TMEM132D: variants seen among roughly 807,000 people sequenced by gnomAD.
TMEM132D encodes mature OL transmembrane protein.
In TMEM132D, 21 loss-of-function variants were observed where a neutral mutation model predicts 62.3. The observed-to-expected ratio is 0.34, with a 90% confidence interval of 0.24 to 0.49. The LOEUF (loss-of-function observed/expected upper bound fraction) is 0.49. Among genes scored for constraint, TMEM132D ranks in the 20% least tolerant of loss-of-function variants. The pLI is 0.99. For synonymous variants in TMEM132D, 621 were observed against 575.6 expected, an observed-to-expected ratio of 1.08 and a Z score of -1.13; for missense variants, 1,346 against 1,402.8, an observed-to-expected ratio of 0.96 and a Z score of 0.65.
Position 129,315,399 on chromosome 12 carries a change from G to T in TMEM132D, c.1299+22235C>A, listed in dbSNP as rs1230425266. On this transcript the variant is annotated intron_variant, in intron 4 of 8. Coordinates refer to ENST00000422113, the MANE Select transcript of TMEM132D (RefSeq NM_133448.3). Reference sequence around the variant, plus strand: ...ATACTTTTTCTGCATCTATTGAGATGATTATGTGATTTTTGTTTTTAATTC... The same window carrying T: ...ATACTTTTTCTGCATCTATTGAGATTATTATGTGATTTTTGTTTTTAATTC... Among the ~76,000 whole-genome samples the T allele has an allele frequency of 5.3e-5, 8 of 151,958 alleles. No homozygotes were observed. The South Asian group carries it at 1.7e-3, about 31-fold the overall frequency.
intron 5 of TMEM132D, among the ~76,000 whole-genome samples, chr12:129,092,513 G>A (rs951227396): frequency 3.9e-5 from 6 of 152,068 alleles, no homozygotes; most frequent in African/African-American, 1.4e-4. Context: ...CGGCCAACAT[G>A]GTGAAACCTG....
At chr12:129,545,719 A>C (rs920762870) in intron 2 of TMEM132D, among the ~76,000 whole-genome samples, 2 of 152,224 alleles carry the variant, frequency 1.3e-5, no homozygotes, top group Non-Finnish European at 2.9e-5. Flanking sequence ...TTAGGTGTAG[A>C]GAGTAAGTGT....
chr12:129,860,936 G>C (rs771566385), intron 1 of TMEM132D, among the ~76,000 whole-genome samples: 1 of 152,170 alleles, frequency 6.6e-6, no homozygotes, highest in Non-Finnish European at 1.5e-5. Flanking sequence ...TAGACACCTA[G>C]TCCCGCCCAT....
chr12:129,828,569 G>A (rs1386625187), intron 1 of TMEM132D, among the ~76,000 whole-genome samples: 2 of 149,388 alleles, frequency 1.3e-5, no homozygotes, highest in East Asian at 4.0e-4. Flanking sequence ...ATTATTTGTG[G>A]GAGATATGGT....
chr12:129,284,960 G>A lies in TMEM132D; in HGVS notation c.1299+52674C>T, dbSNP rs184073770. ...CTAAGGGGTGCATGGCTGTACCGTG[G>A]AGTGATGGACACGCTTTGGAGAGAG... On this transcript the variant is annotated intron_variant, in intron 4 of 8. Coordinates refer to ENST00000422113, the MANE Select transcript of TMEM132D (RefSeq NM_133448.3). Among the ~76,000 whole-genome samples, 497 of 152,316 alleles carry A rather than the reference G, an allele frequency of 3.3e-3. 1 individual carries two copies. The highest frequency in any genetic ancestry group is 0.01 in the African/African-American group (431 of 41,584).
chr12:129,146,678 T>G (rs1444706637), intron 5 of TMEM132D, among the ~76,000 whole-genome samples: 1 of 152,190 alleles, frequency 6.6e-6, no homozygotes, highest in African/African-American at 2.4e-5. Flanking sequence ...TGCACACATT[T>G]CCTGCAATGC....
intron 2 of TMEM132D, among the ~76,000 whole-genome samples, chr12:129,578,424 G>GTGTGTGTGTGTGTGTA (rs773756392): frequency 6.6e-6 from 1 of 150,518 alleles, no homozygotes; most frequent in Admixed American, 6.7e-5. Flanking sequence ...GTGTGTGTGT[G>GTGTGTGTGTGTGTGTA]TATATATATA....
rs531223368 is a variant in TMEM132D at position 129,452,311 on chromosome 12, G to A, written c.1115+78748C>T. 3.9e-5 allele frequency among the ~76,000 whole-genome samples: 6 copies of A among 152,300 alleles called. No individual in the cohort carries two copies. In the South Asian group the frequency reaches 1.2e-3, roughly 32 times the overall value. On this transcript the variant is annotated intron_variant, in intron 3 of 8. Transcript: ENST00000422113. The stretch of plus-strand genomic sequence containing the variant: ...GTGAGGACCACTATGAACGTACTTG[G>A]GTTTGGCAAACATTTCAAACTTACT...
chr12:129,746,157 G>A (rs990449600), intron 1 of TMEM132D, among the ~76,000 whole-genome samples: 30 of 152,198 alleles, frequency 2.0e-4, no homozygotes, highest in African/African-American at 7.0e-4. Context: ...AGGTTTGAAC[G>A]ATGCAATGAG....
intron 5 of TMEM132D, among the ~76,000 whole-genome samples, chr12:129,160,230 G>C (rs947807018): frequency 6.6e-6 from 1 of 152,176 alleles, no homozygotes; most frequent in Non-Finnish European, 1.5e-5. Flanking sequence ...ATTTTTCACA[G>C]AATTCAATTC....
chr12:129,284,463 G>A (rs1881238291), intron 4 of TMEM132D, among the ~76,000 whole-genome samples: 1 of 152,204 alleles, frequency 6.6e-6, no homozygotes, highest in South Asian at 2.1e-4. Flanking sequence ...GTAGGTTGAG[G>A]ATTCTTTGAC....
At chr12:129,571,009 G>GA (rs1393828936) in intron 2 of TMEM132D, among the ~76,000 whole-genome samples, 3 of 152,198 alleles carry the variant, frequency 2.0e-5, no homozygotes, top group Non-Finnish European at 4.4e-5. Flanking sequence ...AAGGAAGGGG[G>GA]AGGGGCTGAT....
intron 1 of TMEM132D, among the ~76,000 whole-genome samples, chr12:129,861,027 A>T (rs1593190189): frequency 6.6e-6 from 1 of 152,358 alleles, no homozygotes; most frequent in African/African-American, 2.4e-5. Context: ...TTTGCTTATC[A>T]ACAAATGAAG....
At chr12:129,382,513 G>T (rs1231339249) in intron 3 of TMEM132D, among the ~76,000 whole-genome samples, 1 of 152,176 alleles carries the variant, frequency 6.6e-6, no homozygotes, top group Non-Finnish European at 1.5e-5. Flanking sequence ...GAAAGGTGCA[G>T]CCCGTCTACT....
intron 5 of TMEM132D, among the ~76,000 whole-genome samples, chr12:129,144,925 T>TCTATCTATCTATCTATCTATCTATCTAC (rs1555232599): frequency 2.0e-5 from 3 of 147,548 alleles, no homozygotes; most frequent in African/African-American, 7.4e-5. Context: ...TATCTATCTA[T>TCTATCTATCTATCTATCTATCTATCTAC]CTACCTATCA....
intron 2 of TMEM132D, among the ~76,000 whole-genome samples, chr12:129,658,284 TA>T (rs1034657733): frequency 5.9e-5 from 9 of 152,204 alleles, no homozygotes; most frequent in African/African-American, 2.2e-4. Flanking sequence ...ATAACTTAGA[TA>T]AAGTAACCTA....
At chr12:129,775,160 C>A (rs897916515) in intron 1 of TMEM132D, among the ~76,000 whole-genome samples, 1 of 152,206 alleles carries the variant, frequency 6.6e-6, no homozygotes, top group Non-Finnish European at 1.5e-5. Context: ...AAGATGTATT[C>A]TTCAGCTGTT....
intron 3 of TMEM132D, among the ~76,000 whole-genome samples, chr12:129,439,585 G>A (rs1280628260): frequency 6.6e-6 from 1 of 152,076 alleles, no homozygotes; most frequent in Non-Finnish European, 1.5e-5. Flanking sequence ...AAGTAGCTGA[G>A]AACAGGTGCC....
rs190305192 is a variant in TMEM132D at position 129,318,427 on chromosome 12, C to A, written c.1299+19207G>T. On this transcript the variant is annotated intron_variant, in intron 4 of 8. Coordinates refer to ENST00000422113, the MANE Select transcript of TMEM132D (RefSeq NM_133448.3). ...TTATTGTCTCTCTTCTGAGTCTAGC[C>A]ACCCAGTGAGTCTACCTGGCTCCGG... 5.9e-5 allele frequency among the ~76,000 whole-genome samples: 9 copies of A among 152,262 alleles called. No homozygotes were observed. The East Asian group carries it at 1.7e-3, about 29-fold the overall frequency.
Sources: gnomAD v4.1 joint callset for allele counts (sites outside exome capture counted in the v4.1 genomes callset) on GRCh38, gnomAD v4.1.1 for gene constraint, MANE v1.5 for transcripts, NCBI Gene and HGNC (gene_info 2026-07-23, HGNC 2026-07-21) for gene names.